The following CCND3 variants were observed in gnomAD, a reference collection of about 807,000 sequenced individuals.
CCND3 encodes the protein G1/S-specific cyclin-D3.
In CCND3, 9 loss-of-function variants were observed where a neutral mutation model predicts 28.7. The ratio of observed to expected loss-of-function variants is 0.31; its 90% CI spans 0.19 to 0.55. CCND3 has a LOEUF of 0.55. Among genes scored for constraint, CCND3 ranks in the 20% least tolerant of loss-of-function variants. The pLI, the probability that CCND3 is intolerant of heterozygous loss-of-function variation, is 0.93. For synonymous variants in CCND3, 164 were observed against 163.9 expected, an observed-to-expected ratio of 1.00 and a Z score of 0.00; for missense variants, 315 against 385.8, an observed-to-expected ratio of 0.82 and a Z score of 1.54.
intron 1 of CCND3, among the ~76,000 whole-genome samples, chr6:41,960,236 G>A (rs1310961601): frequency 6.6e-6 from 1 of 152,166 alleles, no homozygotes; most frequent in Non-Finnish European, 1.5e-5. Flanking sequence ...CTGGGTGGTG[G>A]TGATAATGGA....
At chr6:42,039,020 A>T (rs567226417) in intron 1 of CCND3, among the ~76,000 whole-genome samples, 10 of 152,220 alleles carry the variant, frequency 6.6e-5, no homozygotes, top group Non-Finnish European at 1.5e-4. Flanking sequence ...AGTTATATCT[A>T]CTGGAAGAGA....
intron 1 of CCND3, among the ~76,000 whole-genome samples, chr6:41,955,271 A>C (rs1351632164): frequency 5.9e-5 from 9 of 152,206 alleles, no homozygotes; most frequent in African/African-American, 1.4e-4. Context: ...AAAAAATTAC[A>C]CTTATGAACA....
intron 1 of CCND3, among the ~76,000 whole-genome samples, chr6:42,013,471 A>G (rs1432701723): frequency 6.6e-6 from 1 of 152,226 alleles, no homozygotes; most frequent in Non-Finnish European, 1.5e-5. Context: ...CCCAACACCT[A>G]GAACAAACAA....
Position 41,941,447 on chromosome 6 carries a change from G to T in CCND3, c.198+5C>A. 2 of 1,607,396 alleles carry T rather than the reference G, an allele frequency of 1.2e-6. No homozygotes were observed. The highest frequency in any genetic ancestry group is 1.1e-5 in the South Asian group (1 of 90,490). On this transcript the variant is annotated splice_donor_5th_base_variant and intron_variant, in intron 1 of 4. Coordinates refer to ENST00000372991, the MANE Select transcript of CCND3 (RefSeq NM_001760.5). This position sits in a 1 kb window ranked among gnomAD's most constrained non-coding sequence, Gnocchi z 6.1. ...GTGGGGGAGGGGGACGCGTCCGGGC[G>T]GTACCTCCAGCATCCAGTAAGCCAG...
intron 1 of CCND3, among the ~76,000 whole-genome samples, chr6:41,973,291 C>T (rs1284260693): frequency 6.6e-6 from 1 of 152,176 alleles, no homozygotes. Context: ...GAAAGTTCAG[C>T]TCATCTGCCC....
At chr6:42,031,061 T>C (rs1764027902) in intron 1 of CCND3, among the ~76,000 whole-genome samples, 1 of 152,080 alleles carries the variant, frequency 6.6e-6, no homozygotes, top group Non-Finnish European at 1.5e-5. Context: ...TTCCTTATCT[T>C]GGGGCTCAAT....
intron 1 of CCND3, among the ~76,000 whole-genome samples, chr6:41,969,616 G>C (rs1761980279): frequency 6.6e-6 from 1 of 152,046 alleles, no homozygotes; most frequent in Non-Finnish European, 1.5e-5. Flanking sequence ...CGCACCTGTA[G>C]TCCCAGTTAC....
chr6:41,936,515 A>C lies in CCND3; in HGVS notation c.711+44T>G, dbSNP rs772998611. ...TACTGGAGGCTCAGGGCATAGCACT[A>C]CTTTATGAATGGAGAGGCTGCTGCC... On this transcript the variant is annotated intron_variant, in intron 4 of 4. Coordinates refer to ENST00000372991, the MANE Select transcript of CCND3 (RefSeq NM_001760.5). The surrounding 1 kb of genome is among the most constrained non-coding windows in gnomAD (Gnocchi z 4.4). 5 of 1,609,524 alleles carry C rather than the reference A, an allele frequency of 3.1e-6. No homozygotes were observed. Among genetic ancestry groups the C allele is most frequent in the Non-Finnish European group, 4.2e-6 (5 of 1,177,250 alleles).
upstream of CCND3, among the ~76,000 whole-genome samples, chr6:41,944,466 T>G (rs530102096): frequency 6.6e-6 from 1 of 152,290 alleles, no homozygotes; most frequent in African/African-American, 2.4e-5. Flanking sequence ...CACAAAGTTT[T>G]GCTCTTGTCA....
At chr6:41,997,702 G>A (rs1187672065) in intron 1 of CCND3, among the ~76,000 whole-genome samples, 2 of 151,942 alleles carry the variant, frequency 1.3e-5, no homozygotes, top group African/African-American at 2.4e-5. Context: ...GACCAGCCCC[G>A]GCAACACAGT....
chr6:41,946,931 A>G (rs1171072815), intron 1 of CCND3, among the ~76,000 whole-genome samples: 2 of 151,950 alleles, frequency 1.3e-5, no homozygotes, highest in African/African-American at 2.4e-5. Flanking sequence ...CTAAAAATAC[A>G]AAAATTGGCT....
At chr6:41,973,865 G>A (rs1309640674) in intron 1 of CCND3, among the ~76,000 whole-genome samples, 2 of 152,146 alleles carry the variant, frequency 1.3e-5, no homozygotes, top group Non-Finnish European at 2.9e-5. Context: ...AATTAAAAGA[G>A]ATAACACATG....
At chr6:42,038,670 A>G (rs1172421832) in intron 1 of CCND3, among the ~76,000 whole-genome samples, 1 of 152,200 alleles carries the variant, frequency 6.6e-6, no homozygotes, top group Admixed American at 6.5e-5. Context: ...ATAGAAAAAG[A>G]ATAAGAAATA....
At chr6:42,041,086 T>C (rs1313080159) in intron 1 of CCND3, among the ~76,000 whole-genome samples, 2 of 151,990 alleles carry the variant, frequency 1.3e-5, no homozygotes, top group Non-Finnish European at 2.9e-5. Flanking sequence ...TGGGAACACA[T>C]GAGGATTCAG....
chr6:42,039,803 G>A (rs544776125), intron 1 of CCND3, among the ~76,000 whole-genome samples: 1 of 152,350 alleles, frequency 6.6e-6, no homozygotes, highest in African/African-American at 2.4e-5. Context: ...TGATCTTCCT[G>A]CTGTGGCAGG....
chr6:41,937,670 G>A (rs1046985378), intron 2 of CCND3: 12 of 468,514 alleles, frequency 2.6e-5, no homozygotes, highest in Non-Finnish European at 2.7e-5. Flanking sequence ...ATGTTTAAGG[G>A]GCCAATAATC....
intron 1 of CCND3, among the ~76,000 whole-genome samples, chr6:42,045,747 G>C (rs778356833): frequency 6.6e-5 from 10 of 152,244 alleles, no homozygotes; most frequent in Non-Finnish European, 1.3e-4. Flanking sequence ...ATGTCTTTGA[G>C]AGCAAGATAA....
At chr6:42,034,969 C>T (rs1764162443) in intron 1 of CCND3, among the ~76,000 whole-genome samples, 1 of 152,180 alleles carries the variant, frequency 6.6e-6, no homozygotes, top group South Asian at 2.1e-4. Flanking sequence ...CCCATTATTT[C>T]CCCCCATTCA....
At chr6:42,039,224 C>G (rs927840203) in intron 1 of CCND3, among the ~76,000 whole-genome samples, 1 of 152,186 alleles carries the variant, frequency 6.6e-6, no homozygotes. Context: ...AAAATAGAGA[C>G]TTTAATAGTA....
Sources: gnomAD v4.1 joint callset for allele counts (sites outside exome capture counted in the v4.1 genomes callset) on GRCh38, gnomAD v4.1.1 for gene constraint, Gnocchi (gnomAD v3.1) non-coding constraint, MANE v1.5 for transcripts, NCBI Gene and HGNC (gene_info 2026-07-23, HGNC 2026-07-21) for gene names.